The following MAPK8 variants were observed in gnomAD, a reference collection of about 807,000 sequenced individuals.
MAPK8 encodes mitogen-activated protein kinase 8.
Under a neutral mutation model 52.9 loss-of-function variants are expected in MAPK8, and 13 were observed. The observed-to-expected ratio is 0.25, with a 90% CI of 0.16 to 0.39. MAPK8 has a LOEUF of 0.39. Ranked by LOEUF, MAPK8 falls within the 10% of genes least tolerant of loss-of-function variation. The probability of loss-of-function intolerance (pLI) is 1.00; values close to 1 mark genes in which losing one functional copy is unlikely to be tolerated. For missense variants in MAPK8, 300 were observed against 519.2 expected, an observed-to-expected ratio of 0.58 and a Z score of 4.10; for synonymous variants, 191 against 169.8, an observed-to-expected ratio of 1.12 and a Z score of -0.97.
intron 1 of MAPK8, among the ~76,000 whole-genome samples, chr10:48,394,329 T>C (rs539557065): frequency 6.6e-6 from 1 of 152,026 alleles, no homozygotes; most frequent in East Asian, 1.9e-4. Flanking sequence ...CCTTATAAAA[T>C]AGATGGAAAA....
At chr10:48,393,462 A>G (rs189359701) in intron 1 of MAPK8, among the ~76,000 whole-genome samples, 1 of 152,298 alleles carries the variant, frequency 6.6e-6, no homozygotes, top group African/African-American at 2.4e-5. Flanking sequence ...AATCTGTAAG[A>G]TGGAAAAAAT....
chr10:48,425,238 C>T, intron 7 of MAPK8: 1 of 750,898 alleles, frequency 1.3e-6, no homozygotes. Flanking sequence ...TAGGCCTTGG[C>T]CTTCAGGGTC....
intron 5 of MAPK8, among the ~76,000 whole-genome samples, chr10:48,410,802 CT>C (rs1354946526): frequency 2.6e-5 from 4 of 152,124 alleles, no homozygotes; most frequent in African/African-American, 9.7e-5. Flanking sequence ...TGTTATCTGA[CT>C]TTTTAAATTC....
chr10:48,411,322 C>A (rs1250651709), intron 5 of MAPK8, among the ~76,000 whole-genome samples: 1 of 152,106 alleles, frequency 6.6e-6, no homozygotes, highest in African/African-American at 2.4e-5. Context: ...CAACTTCATT[C>A]TTTTGTATGT....
At chr10:48,372,097 A>G (rs1437854081) in intron 1 of MAPK8, among the ~76,000 whole-genome samples, 1 of 152,136 alleles carries the variant, frequency 6.6e-6, no homozygotes, top group Non-Finnish European at 1.5e-5. Context: ...CTTAGGAATG[A>G]TTGATTAAAT....
chr10:48,375,821 A>G (rs2040625173), intron 1 of MAPK8, among the ~76,000 whole-genome samples: 1 of 152,228 alleles, frequency 6.6e-6, no homozygotes, highest in East Asian at 1.9e-4. Flanking sequence ...GCCCAAAATA[A>G]TTTGTAGATT....
intron 5 of MAPK8, among the ~76,000 whole-genome samples, chr10:48,414,211 C>A (rs1185680678): frequency 6.6e-6 from 1 of 151,996 alleles, no homozygotes; most frequent in Admixed American, 6.6e-5. Flanking sequence ...CTAGCATAAT[C>A]TTTTCAAGGT....
At chr10:48,321,221 A>C (rs532796365) in intron 1 of MAPK8, among the ~76,000 whole-genome samples, 2 of 150,366 alleles carry the variant, frequency 1.3e-5, no homozygotes, top group African/African-American at 4.9e-5. Context: ...CCCCAGCCTC[A>C]CAAGTAGCTA....
intron 1 of MAPK8, among the ~76,000 whole-genome samples, chr10:48,358,569 C>T (rs1847205979): frequency 1.3e-5 from 2 of 152,132 alleles, no homozygotes; most frequent in African/African-American, 4.8e-5. Context: ...GTTGTCTTTC[C>T]ACTTTCTTAA....
intron 1 of MAPK8, among the ~76,000 whole-genome samples, chr10:48,371,142 G>A (rs1848496779): frequency 6.6e-6 from 1 of 151,988 alleles, no homozygotes; most frequent in East Asian, 1.9e-4. Flanking sequence ...AATGAATGAT[G>A]TATTATTATA....
At chr10:48,338,636 A>G (rs1844931157) in intron 1 of MAPK8, among the ~76,000 whole-genome samples, 1 of 152,098 alleles carries the variant, frequency 6.6e-6, no homozygotes, top group Admixed American at 6.6e-5. Flanking sequence ...AAGTCAAATT[A>G]TATGCTTGTT....
rs1197333915 is a variant in MAPK8 at position 48,376,768 on chromosome 10, G to C, written c.-49-24844G>C. Among the ~76,000 whole-genome samples the C allele has an allele frequency of 3.3e-5, 5 of 152,288 alleles. No individual in the cohort carries two copies. In the East Asian group the frequency reaches 9.6e-4, roughly 29 times the overall value. On this transcript the variant is annotated intron_variant, in intron 1 of 11. Coordinates refer to ENST00000374189, the MANE Select transcript of MAPK8 (RefSeq NM_001323329.2). ...ATAGGAACACTTTTGCACTGTTGGT[G>C]GGAGTGTAAATTAGTTCAACCATTG...
intron 1 of MAPK8, among the ~76,000 whole-genome samples, chr10:48,380,312 A>G (rs915997490): frequency 2.0e-5 from 3 of 152,254 alleles, no homozygotes; most frequent in African/African-American, 4.8e-5. Flanking sequence ...GGAATTGCAT[A>G]CAATTTTGGA....
intron 3 of MAPK8, among the ~76,000 whole-genome samples, chr10:48,409,366 G>A (rs1372921330): frequency 6.6e-6 from 1 of 152,170 alleles, no homozygotes; most frequent in Non-Finnish European, 1.5e-5. Context: ...TGAATTCAGT[G>A]TTACCTTATT....
intron 1 of MAPK8, among the ~76,000 whole-genome samples, chr10:48,314,532 A>C (rs1842311247): frequency 6.6e-6 from 1 of 152,186 alleles, no homozygotes. Flanking sequence ...GTCGTGTTGC[A>C]CTTAAATGCA....
At chr10:48,343,779 G>T (rs1374085378) in intron 1 of MAPK8, among the ~76,000 whole-genome samples, 3 of 152,204 alleles carry the variant, frequency 2.0e-5, no homozygotes, top group Admixed American at 6.5e-5. Context: ...AGAAAATTTT[G>T]TGTTGGAGAG....
intron 7 of MAPK8, chr10:48,425,422 A>G: frequency 2.3e-6 from 1 of 441,148 alleles, no homozygotes; most frequent in East Asian, 3.4e-5. Context: ...TTTTTATTAC[A>G]ACTGATTATT....
intron 1 of MAPK8, among the ~76,000 whole-genome samples, chr10:48,396,220 G>A (rs2041880334): frequency 6.6e-6 from 1 of 152,050 alleles, no homozygotes; most frequent in Non-Finnish European, 1.5e-5. Context: ...TGTGTATCCC[G>A]AATATATTTT....
At chr10:48,363,926 T>C (rs1296683735) in intron 1 of MAPK8, among the ~76,000 whole-genome samples, 3 of 152,198 alleles carry the variant, frequency 2.0e-5, no homozygotes, top group Admixed American at 6.5e-5. Flanking sequence ...AAAAAGTGCA[T>C]TACAGTGCTT....
Sources: allele counts gnomAD v4.1 joint callset (sites outside exome capture counted in the v4.1 genomes callset), GRCh38; gene constraint gnomAD v4.1.1; transcripts MANE v1.5; gene names NCBI Gene and HGNC (gene_info 2026-07-23, HGNC 2026-07-21).